Variants in PIAS1 observed in about 807,000 individuals in gnomAD.
The protein encoded by PIAS1 is E3 SUMO-protein ligase PIAS1.
Under a neutral mutation model 71.3 loss-of-function variants are expected in PIAS1, and 6 were observed. That is an observed-to-expected ratio of 0.08 (90% confidence interval 0.05 to 0.17). The LOEUF (loss-of-function observed/expected upper bound fraction) is 0.17. Ranked by LOEUF, PIAS1 falls within the 10% of genes least tolerant of loss-of-function variation. The pLI is 1.00. For synonymous variants in PIAS1, 303 were observed against 292.9 expected (o/e 1.03, Z -0.35); for missense variants, 555 against 793.6 (o/e 0.70, Z 3.61).
At position 68,174,842 on chromosome 15, in the gene PIAS1, A is replaced by G. The variant is rs77626272; in HGVS notation, c.1170-795A>G. ...TCAGACCAGTCATGGGAAACAAACAAACAAACAACATGTAACTTAAATGTT... is the reference window on the plus strand; with the variant it reads ...TCAGACCAGTCATGGGAAACAAACAGACAAACAACATGTAACTTAAATGTT... On this transcript the variant is annotated intron_variant, in intron 9 of 13. Coordinates refer to ENST00000249636, the MANE Select transcript of PIAS1 (RefSeq NM_016166.3). This position sits in a 1 kb window ranked among gnomAD's most constrained non-coding sequence, Gnocchi z 4.0. 0.022 allele frequency among the ~76,000 whole-genome samples: 3,345 copies of G among 152,304 alleles called. 126 individuals carry two copies. Among genetic ancestry groups the G allele is most frequent in the African/African-American group, 0.076 (3,157 of 41,558 alleles).
Position 68,189,298 on chromosome 15 carries a change from T to C in PIAS1, c.*1463T>C, listed in dbSNP as rs1000425451. 1 of 152,222 alleles carries C rather than the reference T, an allele frequency of 6.6e-6. No homozygotes were observed. The highest frequency in any genetic ancestry group is 1.5e-5 in the Non-Finnish European group (1 of 68,028). The allele number at this position is 152,222 out of a possible 1,614,324, so 9.4% of individuals were successfully genotyped here. A position where few individuals can be genotyped will look rare whatever the true frequency, so the allele number is the denominator to read the frequency against. ...ATGATGTTCTCAGGTGTGGAAAATA[T>C]TTTTTAGTTGATTGAGAATGCAGGT... is the stretch of plus-strand genomic sequence containing the variant. On this transcript the variant is annotated 3_prime_UTR_variant, in exon 14 of 14. Transcript: ENST00000249636.
rs1427126981 is a variant in PIAS1, at chr15:68,191,812, AG to A, written c.*3978del. ...AAACCAGGACCAGGAGTAAGGTAAC[AG>A]CCCTTCCTCGGGTAGAGGTTTGAAT... On this transcript the variant is annotated 3_prime_UTR_variant, in exon 14 of 14. Coordinates refer to ENST00000249636, the MANE Select transcript of PIAS1 (RefSeq NM_016166.3). 1 of 152,206 alleles carries A rather than the reference AG, an allele frequency of 6.6e-6. No homozygotes were observed. Among genetic ancestry groups the A allele is most frequent in the Non-Finnish European group, 1.5e-5 (1 of 68,046 alleles). 9.4% of individuals were successfully genotyped at this position (152,206 alleles called of 1,614,324 possible).
intron 2 of PIAS1, among the ~76,000 whole-genome samples, chr15:68,099,758 T>G (rs1453103187): frequency 1.3e-5 from 2 of 151,754 alleles, no homozygotes; most frequent in Non-Finnish European, 2.9e-5. Flanking sequence ...GTATGAGAGG[T>G]CCAGTTTTTC....
chr15:68,166,246 T>G (rs1003224701), intron 8 of PIAS1, among the ~76,000 whole-genome samples: 2 of 152,178 alleles, frequency 1.3e-5, no homozygotes, highest in African/African-American at 4.8e-5. Context: ...AGGCTTTTTA[T>G]ATTAGTGTTA....
Position 68,167,191 on chromosome 15 carries a change from TTGTGTG to T in PIAS1, c.1008+2405_1008+2410del, listed in dbSNP as rs71725124. ...AAAACAAAACAACTATATATGTATA[TTGTGTG>T]TGTGTGTGTGTGTGTGTATGTGTAA... On this transcript the variant is annotated intron_variant, in intron 8 of 13. Transcript: ENST00000249636. This position sits in a 1 kb window ranked among gnomAD's most constrained non-coding sequence, Gnocchi z 4.4. Among the ~76,000 whole-genome samples the T allele has an allele frequency of 2.0e-5, 3 of 149,578 alleles. No individual in the cohort carries two copies. The highest frequency in any genetic ancestry group is 3.5e-3 in the Middle Eastern group (1 of 286).
intron 2 of PIAS1, among the ~76,000 whole-genome samples, chr15:68,094,463 A>G (rs892011860): frequency 1.3e-5 from 2 of 152,120 alleles, no homozygotes; most frequent in Non-Finnish European, 2.9e-5. Flanking sequence ...AAAATGATCC[A>G]TCAGGTTTTG....
At chr15:68,087,790 T>A in intron 2 of PIAS1, 1 of 329,162 alleles carries the variant, frequency 3.0e-6, no homozygotes, top group Non-Finnish European at 6.3e-6. Flanking sequence ...TGAAAATGTT[T>A]ACTGAAATTC....
chr15:68,076,130 T>A (rs2140971407), intron 1 of PIAS1, among the ~76,000 whole-genome samples: 1 of 152,302 alleles, frequency 6.6e-6, no homozygotes, highest in Middle Eastern at 3.4e-3. Context: ...AAAAACTTGT[T>A]TCTGTCTAAA....
intron 8 of PIAS1, among the ~76,000 whole-genome samples, 151 bp downstream of exon 8, chr15:68,164,955 T>C (rs759943939): frequency 5.9e-5 from 9 of 152,222 alleles, no homozygotes; most frequent in Non-Finnish European, 1.2e-4. Context: ...ATCTAGGCAT[T>C]GCATTTGGAA....
rs761043533 is a variant in PIAS1, at chr15:68,186,514, GAAGA to G, written c.1663-1021_1663-1018del. Among the ~76,000 whole-genome samples the G allele has an allele frequency of 6.6e-6, 1 of 152,096 alleles. No individual in the cohort carries two copies. The highest frequency in any genetic ancestry group is 1.5e-5 in the Non-Finnish European group (1 of 68,004). ...AGTTAGCTAATGTTAATTTATTATT[GAAGA>G]AAGAAAAATATTTTTAACACATTTA... On this transcript the variant is annotated intron_variant, in intron 13 of 13. Coordinates refer to ENST00000249636, the MANE Select transcript of PIAS1 (RefSeq NM_016166.3). This position sits in a 1 kb window ranked among gnomAD's most constrained non-coding sequence, Gnocchi z 4.4.
At chr15:68,123,501 G>A (rs912193670) in intron 2 of PIAS1, among the ~76,000 whole-genome samples, 2 of 152,110 alleles carry the variant, frequency 1.3e-5, no homozygotes, top group African/African-American at 4.8e-5. Context: ...CATATGTCAT[G>A]TATCTATTTT....
intron 2 of PIAS1, among the ~76,000 whole-genome samples, chr15:68,128,374 C>G (rs2092666868): frequency 6.6e-6 from 1 of 152,058 alleles, no homozygotes; most frequent in African/African-American, 2.4e-5. Flanking sequence ...GCCTTGTTGC[C>G]CAGGCTTAAA....
Position 68,188,166 on chromosome 15 carries a change from A to ATGGTTT in PIAS1, c.*339_*344dup, listed in dbSNP as rs2093100527. On this transcript the variant is annotated 3_prime_UTR_variant, in exon 14 of 14. Coordinates refer to ENST00000249636, the MANE Select transcript of PIAS1 (RefSeq NM_016166.3). ...CTGAAGATTTTTCATTATTTGTCCT[A>ATGGTTT]TGGTTTTGGTTTTATTTGACTTCGA... 1 of 178,090 alleles carries ATGGTTT rather than the reference A, an allele frequency of 5.6e-6. No homozygotes were observed. Among genetic ancestry groups the ATGGTTT allele is most frequent in the Non-Finnish European group, 1.2e-5 (1 of 84,002 alleles). The allele number at this position is 178,090 out of a possible 1,614,324, so 11.0% of individuals were successfully genotyped here.
intron 7 of PIAS1, among the ~76,000 whole-genome samples, chr15:68,159,743 G>C (rs2092912346): frequency 6.6e-6 from 1 of 152,036 alleles, no homozygotes. Flanking sequence ...ATTATTTCCA[G>C]TTTTGCAGCA....
intron 2 of PIAS1, among the ~76,000 whole-genome samples, chr15:68,131,266 A>G (rs1247538292): frequency 1.3e-5 from 2 of 152,196 alleles, no homozygotes; most frequent in East Asian, 3.8e-4. Flanking sequence ...TTATTGAAAA[A>G]TTATAGATGT....
At chr15:68,166,486 T>A (rs2092958591) in intron 8 of PIAS1, among the ~76,000 whole-genome samples, 1 of 152,150 alleles carries the variant, frequency 6.6e-6, no homozygotes, top group African/African-American at 2.4e-5. Context: ...TCCGAAACCC[T>A]GATTTATCCA....
chr15:68,134,565 G>A (rs1261280339), intron 2 of PIAS1, among the ~76,000 whole-genome samples: 2 of 47,220 alleles, frequency 4.2e-5, no homozygotes, highest in Non-Finnish European at 1.8e-4. Flanking sequence ...AGTAGGGGCG[G>A]CCGGGCAGAG....
In PIAS1 at chr15:68,114,552, T is replaced by C. The variant is rs182781174; in HGVS notation, c.470-27394T>C. 8.8e-4 allele frequency among the ~76,000 whole-genome samples: 134 copies of C among 152,218 alleles called. No homozygotes were observed. In the Middle Eastern group the frequency reaches 0.024, roughly 27 times the overall value. ...GGCTGACATTCGTAGATAGGAACTT[T>C]AGTTTCACTTTCCCTAAGACAGCAA... On this transcript the variant is annotated intron_variant, in intron 2 of 13. Coordinates refer to ENST00000249636, the MANE Select transcript of PIAS1 (RefSeq NM_016166.3).
At chr15:68,065,523 A>G (rs1322622337) in intron 1 of PIAS1, among the ~76,000 whole-genome samples, 1 of 151,294 alleles carries the variant, frequency 6.6e-6, no homozygotes, top group Non-Finnish European at 1.5e-5. Flanking sequence ...CCTGGGAGAC[A>G]GAGGTAGCAG....
Sources: allele counts gnomAD v4.1 joint callset (sites outside exome capture counted in the v4.1 genomes callset), GRCh38; gene constraint gnomAD v4.1.1; non-coding constraint Gnocchi (gnomAD v3.1); transcripts MANE v1.5; gene names NCBI Gene and HGNC (gene_info 2026-07-23, HGNC 2026-07-21).